Variants in AIG1 observed in about 807,000 individuals in gnomAD.
AIG1 encodes androgen induced 1.
In AIG1, 23 loss-of-function variants were observed where a neutral mutation model predicts 31.4. The observed-to-expected ratio is 0.73, with a 90% confidence interval of 0.53 to 1.04. The LOEUF is 1.04. Among genes scored for constraint, AIG1 ranks in the 50% least tolerant of loss-of-function variants. AIG1 has a pLI of 0.00. For synonymous variants in AIG1, 100 were observed against 110.5 expected (o/e 0.90, Z 0.60); for missense variants, 274 against 295.0 (o/e 0.93, Z 0.52).
At chr6:143,242,556 C>T (rs902216331) in intron 3 of AIG1, among the ~76,000 whole-genome samples, 5 of 152,168 alleles carry the variant, frequency 3.3e-5, no homozygotes, top group Admixed American at 1.3e-4. Flanking sequence ...GAGCCAGTAT[C>T]GACATCCATT....
intron 1 of AIG1, among the ~76,000 whole-genome samples, chr6:143,098,224 G>A (rs1166383632): frequency 1.3e-5 from 2 of 152,134 alleles, no homozygotes; most frequent in African/African-American, 4.8e-5. Flanking sequence ...CCCAGTGAAG[G>A]AAGTCTAATC....
chr6:143,191,396 AG>A (rs1789775218), intron 3 of AIG1, among the ~76,000 whole-genome samples: 1 of 152,206 alleles, frequency 6.6e-6, no homozygotes, highest in South Asian at 2.1e-4. Context: ...TGCAGTTAAC[AG>A]GGGACATGAG....
chr6:143,082,637 A>G (rs1778372490), intron 1 of AIG1, among the ~76,000 whole-genome samples: 1 of 152,158 alleles, frequency 6.6e-6, no homozygotes, highest in African/African-American at 2.4e-5. Context: ...TAAGACTGCT[A>G]TTGCTGCCAC....
intron 1 of AIG1, among the ~76,000 whole-genome samples, chr6:143,062,269 G>T (rs1776324462): frequency 6.6e-6 from 1 of 152,166 alleles, no homozygotes; most frequent in Non-Finnish European, 1.5e-5. Context: ...TCCAAACTGT[G>T]CACATACCCT....
chr6:143,280,783 A>T lies in AIG1; in HGVS notation c.400-3327A>T, dbSNP rs1797292846. On this transcript the variant is annotated intron_variant, in intron 3 of 5. Transcript: ENST00000357847. This position sits in a 1 kb window ranked among gnomAD's most constrained non-coding sequence, Gnocchi z 4.1. ...ATAACTATTGGGTACTGGGCTTAAT[A>T]CCTGGGTGATGAGATAATACGTACA... 6.6e-6 allele frequency among the ~76,000 whole-genome samples: 1 copy of T among 152,158 alleles called. No individual in the cohort carries two copies. Among genetic ancestry groups the T allele is most frequent in the Non-Finnish European group, 1.5e-5 (1 of 68,030 alleles).
chr6:143,307,869 C>T (rs1467556413), intron 4 of AIG1, among the ~76,000 whole-genome samples: 1 of 152,264 alleles, frequency 6.6e-6, no homozygotes, highest in Non-Finnish European at 1.5e-5. Context: ...CCAGTTCAAG[C>T]TTCCCAGCTG....
chr6:143,061,117 C>CGT (rs138059311), intron 1 of AIG1, 51 bp downstream of exon 1: 52,835 of 1,388,412 alleles, frequency 0.038, 164 homozygotes, highest in African/African-American at 0.07. Context: ...CCTGTGTGTG[C>CGT]GTGTGTGTGT....
intron 3 of AIG1, among the ~76,000 whole-genome samples, chr6:143,171,464 A>ATAT (rs1787556396): frequency 1.7e-5 from 2 of 117,364 alleles, no homozygotes; most frequent in Admixed American, 1.1e-4. Context: ...TAATATATAT[A>ATAT]TTTAATATAT....
chr6:143,287,431 T>A (rs1797760921), intron 4 of AIG1, among the ~76,000 whole-genome samples: 2 of 152,192 alleles, frequency 1.3e-5, no homozygotes, highest in Non-Finnish European at 2.9e-5. Context: ...GCCACTGGAC[T>A]CTTGCCAGAA....
chr6:143,103,933 A>G (rs559744295), intron 1 of AIG1, among the ~76,000 whole-genome samples: 2 of 152,178 alleles, frequency 1.3e-5, no homozygotes, highest in African/African-American at 2.4e-5. Context: ...ACTCTACTCA[A>G]AATGATTTGC....
intron 3 of AIG1, among the ~76,000 whole-genome samples, chr6:143,262,825 A>G (rs946600990): frequency 2.6e-5 from 4 of 152,178 alleles, no homozygotes; most frequent in African/African-American, 9.6e-5. Context: ...TGAATCATGC[A>G]TTTTACACTT....
chr6:143,108,888 A>T (rs1167071612), intron 1 of AIG1, among the ~76,000 whole-genome samples: 1 of 152,208 alleles, frequency 6.6e-6, no homozygotes, highest in Non-Finnish European at 1.5e-5. Context: ...GAACAGCTCA[A>T]TGAGTTTTTA....
In AIG1 at chr6:143,299,626, C is replaced by T. The variant is rs1798689625; in HGVS notation, c.515+15401C>T. 3 of 152,226 alleles carry T rather than the reference C, an allele frequency of 2.0e-5. No homozygotes were observed. The South Asian group carries it at 6.2e-4, about 32-fold the overall frequency. The allele number at this position is 152,226 out of a possible 1,614,324, so 9.4% of individuals were successfully genotyped here. On this transcript the variant is annotated intron_variant, in intron 4 of 5. Transcript: ENST00000357847. This position sits in a 1 kb window ranked among gnomAD's most constrained non-coding sequence, Gnocchi z 4.1. Reference sequence around the variant, plus strand: ...TGAGTAGCAGAGGGATTTCAAGCCACTGAGAGGGTCTGATTGAATTCGAAA... The same window carrying T: ...TGAGTAGCAGAGGGATTTCAAGCCATTGAGAGGGTCTGATTGAATTCGAAA...
rs552043452 is a variant in AIG1, at chr6:143,313,738, G to T, written c.516-19544G>T. ...ACAAATGATAAATGCTTGAGGTGAT[G>T]GATACCCCATTTACCCTGATATGAT... On this transcript the variant is annotated intron_variant, in intron 4 of 5. Transcript: ENST00000357847. Among the ~76,000 whole-genome samples the T allele has an allele frequency of 5.9e-5, 9 of 152,050 alleles. No homozygotes were observed. The South Asian group carries it at 1.9e-3, about 32-fold the overall frequency.
intron 1 of AIG1, among the ~76,000 whole-genome samples, chr6:143,117,648 T>A (rs1408938304): frequency 6.6e-6 from 1 of 152,092 alleles, no homozygotes; most frequent in Non-Finnish European, 1.5e-5. Flanking sequence ...AAGGGAGAGG[T>A]CCTGGCTGAG....
At chr6:143,069,939 T>C (rs895706110) in intron 1 of AIG1, among the ~76,000 whole-genome samples, 1 of 152,224 alleles carries the variant, frequency 6.6e-6, no homozygotes, top group African/African-American at 2.4e-5. Flanking sequence ...CTTGAAAAGA[T>C]TGTCATTTTG....
chr6:143,225,802 C>A (rs1161780798), intron 3 of AIG1, among the ~76,000 whole-genome samples: 6 of 152,214 alleles, frequency 3.9e-5, no homozygotes, highest in Non-Finnish European at 8.8e-5. Flanking sequence ...CTGTATGGGG[C>A]AACTTTGTCT....
chr6:143,215,809 C>T (rs997931628), intron 3 of AIG1, among the ~76,000 whole-genome samples: 1 of 152,148 alleles, frequency 6.6e-6, no homozygotes, highest in Non-Finnish European at 1.5e-5. Flanking sequence ...AATGAACACT[C>T]TAAGGCAGTG....
chr6:143,217,039 A>G (rs995863425), intron 3 of AIG1, among the ~76,000 whole-genome samples: 6 of 152,258 alleles, frequency 3.9e-5, no homozygotes, highest in Non-Finnish European at 8.8e-5. Flanking sequence ...ATTCTTCATT[A>G]CACAATACTT....
Sources: allele counts gnomAD v4.1 joint callset (sites outside exome capture counted in the v4.1 genomes callset), GRCh38; gene constraint gnomAD v4.1.1; non-coding constraint Gnocchi (gnomAD v3.1); transcripts MANE v1.5; gene names NCBI Gene and HGNC (gene_info 2026-07-23, HGNC 2026-07-21).